ADAM32: variants seen among roughly 807,000 people sequenced by gnomAD.
The protein encoded by ADAM32 is disintegrin and metalloproteinase domain-containing protein 32.
In ADAM32, 89 loss-of-function variants were observed where a neutral mutation model predicts 114.9. That is an observed-to-expected ratio of 0.77 (90% confidence interval 0.65 to 0.92). The LOEUF (loss-of-function observed/expected upper bound fraction) is 0.92. Ranked by LOEUF, ADAM32 falls within the 40% of genes least tolerant of loss-of-function variation. The pLI, the probability that ADAM32 is intolerant of heterozygous loss-of-function variation, is 0.00. For missense variants in ADAM32, 870 were observed against 932.8 expected, an observed-to-expected ratio of 0.93 and a Z score of 0.88; for synonymous variants, 285 against 307.5, an observed-to-expected ratio of 0.93 and a Z score of 0.77.
At chr8:39,228,304 C>T (rs749660681) in intron 14 of ADAM32, among the ~76,000 whole-genome samples, 9 of 152,060 alleles carry the variant, frequency 5.9e-5, no homozygotes, top group Admixed American at 1.3e-4. Flanking sequence ...CACTAGTTCA[C>T]GAGCAATGGA....
At chr8:39,210,528 T>G (rs1049848737) in intron 11 of ADAM32, among the ~76,000 whole-genome samples, 3 of 152,160 alleles carry the variant, frequency 2.0e-5, no homozygotes, top group Non-Finnish European at 4.4e-5. Context: ...ATCTGATATC[T>G]TAAATCGTCA....
chr8:39,230,889 A>G (rs904959305), intron 14 of ADAM32, among the ~76,000 whole-genome samples: 1 of 152,204 alleles, frequency 6.6e-6, no homozygotes, highest in African/African-American at 2.4e-5. Flanking sequence ...TGACATATAT[A>G]TTATTATCTA....
chr8:39,136,936 C>T (rs893630237), intron 3 of ADAM32, among the ~76,000 whole-genome samples: 1 of 152,090 alleles, frequency 6.6e-6, no homozygotes, highest in Non-Finnish European at 1.5e-5. Context: ...GGACTTATCT[C>T]CTGAAGACTG....
At chr8:39,138,581 CT>C (rs1564466815) in intron 3 of ADAM32, among the ~76,000 whole-genome samples, 1 of 152,140 alleles carries the variant, frequency 6.6e-6, no homozygotes, top group Non-Finnish European at 1.5e-5. Context: ...CATTGATGGA[CT>C]TTTGGGTTGG....
intron 2 of ADAM32, among the ~76,000 whole-genome samples, chr8:39,124,392 A>G (rs1801982038): frequency 6.8e-6 from 1 of 147,788 alleles, no homozygotes; most frequent in Non-Finnish European, 1.5e-5. Flanking sequence ...TCCATGGTAT[A>G]GATTTACCAC....
chr8:39,254,222 GTTCT>G (rs1299462605), intron 17 of ADAM32, among the ~76,000 whole-genome samples, 188 bp from the exon 18 acceptor site: 1 of 136,986 alleles, frequency 7.3e-6, no homozygotes, highest in African/African-American at 2.7e-5. Context: ...TCACTTTATA[GTTCT>G]TTTTTTTTTT....
intron 11 of ADAM32, among the ~76,000 whole-genome samples, chr8:39,191,757 A>G (rs182435192): frequency 7.0e-4 from 107 of 152,232 alleles, no homozygotes; most frequent in African/African-American, 2.5e-3. Context: ...AGTTTTAATC[A>G]GATCTCATTT....
chr8:39,275,339 G>T (rs1386677065), intron 21 of ADAM32, among the ~76,000 whole-genome samples: 2 of 152,064 alleles, frequency 1.3e-5, no homozygotes, highest in Non-Finnish European at 2.9e-5. Context: ...CACTAGAAAT[G>T]GCCTTTTCTT....
intron 11 of ADAM32, among the ~76,000 whole-genome samples, chr8:39,196,510 C>G (rs931806070): frequency 1.3e-5 from 2 of 151,986 alleles, no homozygotes; most frequent in South Asian, 4.1e-4. Flanking sequence ...TACATTTTTT[C>G]TATATCTAAC....
intron 10 of ADAM32, among the ~76,000 whole-genome samples, chr8:39,181,446 G>A (rs900176726): frequency 6.6e-5 from 10 of 152,082 alleles, no homozygotes; most frequent in African/African-American, 1.7e-4. Flanking sequence ...CTCCAGACAC[G>A]CCACCTTAAG....
intron 16 of ADAM32, among the ~76,000 whole-genome samples, chr8:39,241,915 G>A (rs1021360945): frequency 1.3e-5 from 2 of 152,196 alleles, no homozygotes; most frequent in Non-Finnish European, 2.9e-5. Flanking sequence ...CTATCAGGCT[G>A]CAAGTTTTCC....
chr8:39,212,667 T>A (rs1246009859), intron 12 of ADAM32, among the ~76,000 whole-genome samples: 1 of 152,230 alleles, frequency 6.6e-6, no homozygotes, highest in Non-Finnish European at 1.5e-5. Context: ...TAATTTTGAG[T>A]AATATTTAAT....
chr8:39,111,831 G>A (rs1187193125), intron 1 of ADAM32, among the ~76,000 whole-genome samples: 1 of 151,614 alleles, frequency 6.6e-6, no homozygotes, highest in East Asian at 1.9e-4. Flanking sequence ...ATGATTCTGA[G>A]GCTTTGCCTA....
intron 19 of ADAM32, among the ~76,000 whole-genome samples, chr8:39,265,679 T>C (rs989656699): frequency 1.3e-5 from 2 of 152,206 alleles, no homozygotes; most frequent in Admixed American, 6.5e-5. Context: ...GTGTCAGGGC[T>C]AAGCATGTAA....
At chr8:39,153,914 G>A (rs1316222123) in intron 6 of ADAM32, among the ~76,000 whole-genome samples, 4 of 151,824 alleles carry the variant, frequency 2.6e-5, no homozygotes, top group African/African-American at 9.7e-5. Flanking sequence ...TGTATCATTT[G>A]GAAAGTGGCA....
intron 11 of ADAM32, among the ~76,000 whole-genome samples, chr8:39,202,605 G>A (rs923379295): frequency 1.3e-5 from 2 of 152,074 alleles, no homozygotes; most frequent in African/African-American, 2.4e-5. Context: ...TTTTTTTGAA[G>A]GGTTTTCTTT....
intron 2 of ADAM32, among the ~76,000 whole-genome samples, chr8:39,127,039 A>C (rs775543632): frequency 2.0e-5 from 3 of 152,154 alleles, no homozygotes; most frequent in Non-Finnish European, 4.4e-5. Flanking sequence ...ATGGTGGATA[A>C]GCTTTTGGAT....
Position 39,233,891 on chromosome 8 carries a change from G to C in ADAM32, c.1635-8G>C. On this transcript the variant is annotated splice_polypyrimidine_tract_variant and splice_region_variant and intron_variant, in intron 15 of 24. Transcript: ENST00000379907. ...TATAATAATCATATATATTTTTTAT[G>C]TTTTCAGGAATCTTATATGTGGAAG... is the stretch of plus-strand genomic sequence containing the variant. 2 of 1,469,004 alleles carry C rather than the reference G, an allele frequency of 1.4e-6. No homozygotes were observed. The highest frequency in any genetic ancestry group is 1.8e-6 in the Non-Finnish European group (2 of 1,102,080). 91.0% of individuals were successfully genotyped at this position (1,469,004 alleles called of 1,614,324 possible). A position where few individuals can be genotyped will look rare whatever the true frequency, so the allele number is the denominator to read the frequency against.
chr8:39,168,260 G>A (rs1181312737), intron 9 of ADAM32: 1 of 152,168 alleles, frequency 6.6e-6, no homozygotes, highest in African/African-American at 2.4e-5. Flanking sequence ...AACTTCTAGA[G>A]CCCTTCATAT....
Sources: allele counts gnomAD v4.1 joint callset (sites outside exome capture counted in the v4.1 genomes callset), GRCh38; gene constraint gnomAD v4.1.1; transcripts MANE v1.5; gene names NCBI Gene and HGNC (gene_info 2026-07-23, HGNC 2026-07-21).